Variants in AGFG2 observed in about 807,000 individuals in gnomAD.
The protein encoded by AGFG2 is arf-GAP domain and FG repeat-containing protein 2.
AGFG2 carries 31 observed loss-of-function variants against 48.0 expected under a neutral mutation model. The observed-to-expected ratio is 0.65, with a 90% CI of 0.49 to 0.87. AGFG2 has a LOEUF of 0.87. Ranked by LOEUF, AGFG2 falls within the 40% of genes least tolerant of loss-of-function variation. The pLI is 0.00. For synonymous variants in AGFG2, 229 were observed against 260.8 expected (o/e 0.88, Z 1.18); for missense variants, 599 against 632.6 (o/e 0.95, Z 0.57).
At chr7:100,546,063 GC>G (rs1267090483) in intron 1 of AGFG2, among the ~76,000 whole-genome samples, 3 of 152,116 alleles carry the variant, frequency 2.0e-5, no homozygotes, top group Non-Finnish European at 4.4e-5. Context: ...TTTGTACTGT[GC>G]TATGGAAACA....
chr7:100,555,264 T>G (rs1188476444), intron 5 of AGFG2, among the ~76,000 whole-genome samples: 1 of 66,590 alleles, frequency 1.5e-5, no homozygotes, highest in Non-Finnish European at 2.9e-5. Flanking sequence ...GTGTGTGTGG[T>G]TTTTTTTTTT....
intron 3 of AGFG2, among the ~76,000 whole-genome samples, chr7:100,550,853 T>C (rs550661242): frequency 6.7e-6 from 1 of 149,890 alleles, no homozygotes; most frequent in African/African-American, 2.4e-5. Context: ...CTTTAACCCA[T>C]CATTTTATGA....
At position 100,564,268 on chromosome 7, in the gene AGFG2, A is replaced by G; in HGVS notation, c.1351A>G (p.Ser451Gly). The G allele has an allele frequency of 6.2e-7, 1 of 1,613,908 alleles. No individual in the cohort carries two copies. The highest frequency in any genetic ancestry group is 8.5e-7 in the Non-Finnish European group (1 of 1,179,930). Residue 451 changes from serine to glycine, a missense_variant, in exon 11 of 12, where the codon AGC (serine) becomes GGC (glycine). Ser to Gly is a moderately conservative substitution (Grantham distance 56). Coordinates refer to ENST00000300176, the MANE Select transcript of AGFG2 (RefSeq NM_006076.5). Reference sequence around the variant, plus strand: ...AGCCAAGTTGGGGCAGAGGCCACTGAGCCAGCCAGCTGGGATCTCCACCAA... The same window carrying G: ...AGCCAAGTTGGGGCAGAGGCCACTGGGCCAGCCAGCTGGGATCTCCACCAA... ...GSAKLGQRPL[S>G]QPAGISTNPF...
At chr7:100,555,262 G>GTTT (rs1462102629) in intron 5 of AGFG2, among the ~76,000 whole-genome samples, 3 of 127,884 alleles carry the variant, frequency 2.3e-5, no homozygotes, top group African/African-American at 3.0e-5. Context: ...GTGTGTGTGT[G>GTTT]GTTTTTTTTT....
At chr7:100,541,588 CT>C (rs1800422243) in intron 1 of AGFG2, among the ~76,000 whole-genome samples, 2 of 151,890 alleles carry the variant, frequency 1.3e-5, no homozygotes, top group Admixed American at 1.3e-4. Context: ...ATGGCGAAAT[CT>C]CATCTCTTAC....
chr7:100,550,061 C>T (rs181062864), intron 2 of AGFG2, among the ~76,000 whole-genome samples: 143 of 152,316 alleles, frequency 9.4e-4, no homozygotes, highest in Non-Finnish European at 1.4e-3. Flanking sequence ...GTAATCCCAG[C>T]AGTTTGGGTA....
rs1180249596 is a variant in AGFG2, at chr7:100,553,452, G to A, written c.537G>A (p.Leu179=). 1.2e-6 allele frequency: 2 copies of A among 1,613,726 alleles called. No individual in the cohort carries two copies. The highest frequency in any genetic ancestry group is 1.7e-6 in the Non-Finnish European group (2 of 1,179,662). ...AAGGGAAGCCCCTTCGGACACTTCT[G>A]GGTGATCCTGCACCGTCTCTCTCAG... ...IPEGKPLRTL[L]GDPAPSLSVA... The change falls in exon 4 of 12, where the codon CTG becomes CTA. Residue 179 remains leucine, a synonymous_variant. Coordinates refer to ENST00000300176, the MANE Select transcript of AGFG2 (RefSeq NM_006076.5).
rs1285792060 is a variant in AGFG2, at chr7:100,559,751, G to A, written c.878-2508G>A. Among the ~76,000 whole-genome samples the A allele has an allele frequency of 4.0e-5, 6 of 151,546 alleles. No individual in the cohort carries two copies. The East Asian group carries it at 7.7e-4, about 20-fold the overall frequency. The stretch of plus-strand genomic sequence containing the variant: ...GAGAATCAGCTGAGCCCTGAAGGTC[G>A]AGGCTGCAGTGAGCTGAGATCATGC... On this transcript the variant is annotated intron_variant, in intron 6 of 11. Coordinates refer to ENST00000300176, the MANE Select transcript of AGFG2 (RefSeq NM_006076.5).
At chr7:100,547,331 T>C (rs955893946) in intron 1 of AGFG2, among the ~76,000 whole-genome samples, 3 of 152,194 alleles carry the variant, frequency 2.0e-5, no homozygotes, top group African/African-American at 7.2e-5. Context: ...TTGTCTCTTT[T>C]TCCCCCTTTG....
rs554456777 is a variant in AGFG2, at chr7:100,562,792, C to A, written c.1088-71C>A. On this transcript the variant is annotated intron_variant, in intron 8 of 11. Coordinates refer to ENST00000300176, the MANE Select transcript of AGFG2 (RefSeq NM_006076.5). This position sits in a 1 kb window ranked among gnomAD's most constrained non-coding sequence, Gnocchi z 5.4. Reference sequence around the variant, plus strand: ...GATTGAGAGGAATGCTCAGGCATCACAGGATGAAGCACGTGAGAAAAAAAG... The same window carrying A: ...GATTGAGAGGAATGCTCAGGCATCAAAGGATGAAGCACGTGAGAAAAAAAG... 3.8e-6 allele frequency: 6 copies of A among 1,597,148 alleles called. No homozygotes were observed. The East Asian group carries it at 6.7e-5, about 18-fold the overall frequency.
intron 1 of AGFG2, among the ~76,000 whole-genome samples, chr7:100,545,389 G>A (rs149268225): frequency 2.6e-5 from 4 of 152,292 alleles, no homozygotes; most frequent in African/African-American, 9.6e-5. Flanking sequence ...AATGGAATCA[G>A]AGAGGAGACG....
intron 3 of AGFG2, 130 bp from the exon 4 acceptor site, chr7:100,553,217 C>T: frequency 8.3e-7 from 1 of 1,197,750 alleles, no homozygotes; most frequent in Non-Finnish European, 1.2e-6. Context: ...TGCTCGGTTC[C>T]CTTCAAAAAA....
chr7:100,553,512 A>G lies in AGFG2; in HGVS notation c.585+12A>G, dbSNP rs766905124. On this transcript the variant is annotated intron_variant, in intron 4 of 11. Transcript: ENST00000300176. ...CCACCTCGAGCCAGGTAACTCTCAGATCTGCTCGTCATGTTTCTTTTGAGA... is the reference window on the plus strand; with the variant it reads ...CCACCTCGAGCCAGGTAACTCTCAGGTCTGCTCGTCATGTTTCTTTTGAGA... The G allele has an allele frequency of 2.1e-5, 34 of 1,585,086 alleles. No individual in the cohort carries two copies. The highest frequency in any genetic ancestry group is 2.8e-5 in the Non-Finnish European group (33 of 1,162,312).
At chr7:100,551,030 T>TTATATA (rs373297543) in intron 3 of AGFG2, among the ~76,000 whole-genome samples, 2,749 of 55,628 alleles carry the variant, frequency 0.049, 135 homozygotes, top group East Asian at 0.063. Flanking sequence ...CCTGGCTAAT[T>TTATATA]TATATATATA....
intron 1 of AGFG2, among the ~76,000 whole-genome samples, chr7:100,544,329 C>T (rs1800473770): frequency 6.6e-6 from 1 of 152,162 alleles, no homozygotes; most frequent in Non-Finnish European, 1.5e-5. Flanking sequence ...TTAAGGTGGG[C>T]AGAGCTCTGG....
intron 3 of AGFG2, among the ~76,000 whole-genome samples, chr7:100,551,908 A>G (rs1800655117): frequency 6.7e-6 from 1 of 149,440 alleles, no homozygotes; most frequent in African/African-American, 2.5e-5. Context: ...AAAAAAAAAA[A>G]AAAGTAGGGA....
In AGFG2 at chr7:100,548,106, G is replaced by A. The variant is rs1005481845; in HGVS notation, c.222-716G>A. Among the ~76,000 whole-genome samples, 5 of 152,148 alleles carry A rather than the reference G, an allele frequency of 3.3e-5. No individual in the cohort carries two copies. The East Asian group carries it at 9.6e-4, about 29-fold the overall frequency. On this transcript the variant is annotated intron_variant, in intron 1 of 11. Coordinates refer to ENST00000300176, the MANE Select transcript of AGFG2 (RefSeq NM_006076.5). ...TAGGTCTAAAACAATGATAAAGTAG[G>A]AAGTGGGAAGTGGTCACGTGTCTGA...
intron 6 of AGFG2, among the ~76,000 whole-genome samples, chr7:100,557,026 C>A (rs376879338): frequency 2.0e-5 from 3 of 151,924 alleles, no homozygotes; most frequent in Non-Finnish European, 4.4e-5. Context: ...GGTGAAACAC[C>A]GTCTCTACTC....
rs1280530885 is a variant in AGFG2 at position 100,539,526 on chromosome 7, C to T, written c.180C>T (p.Ile60=). The part of the protein sequence containing the change: ...CAQRGVTYVD[I]TVGSFVCTTC... ...AGCGCGGGGTCACCTACGTGGATAT[C>T]ACCGTGGGCAGCTTCGTGTGCACCA... The change falls in exon 1 of 12, where the codon ATC becomes ATT. Residue 60 remains isoleucine, a synonymous_variant. Coordinates refer to ENST00000300176, the MANE Select transcript of AGFG2 (RefSeq NM_006076.5). 7.8e-7 allele frequency: 1 copy of T among 1,285,294 alleles called. No homozygotes were observed. The highest frequency in any genetic ancestry group is 9.9e-7 in the Non-Finnish European group (1 of 1,007,702). 79.6% of individuals were successfully genotyped at this position (1,285,294 alleles called of 1,614,324 possible). A position where few individuals can be genotyped will look rare whatever the true frequency, so the allele number is the denominator to read the frequency against.
Sources: allele counts gnomAD v4.1 joint callset (sites outside exome capture counted in the v4.1 genomes callset), GRCh38; gene constraint gnomAD v4.1.1; non-coding constraint Gnocchi (gnomAD v3.1); transcripts MANE v1.5; gene names NCBI Gene and HGNC (gene_info 2026-07-23, HGNC 2026-07-21).